PDE4B: variants seen among roughly 807,000 people sequenced by gnomAD.
The protein encoded by PDE4B is phosphodiesterase 4B.
PDE4B carries 20 observed loss-of-function variants against 82.2 expected under a neutral mutation model. The observed-to-expected ratio is 0.24, with a 90% CI of 0.17 to 0.35. PDE4B has a LOEUF of 0.35. Among genes scored for constraint, PDE4B ranks in the 10% least tolerant of loss-of-function variants. The pLI, the probability that PDE4B is intolerant of heterozygous loss-of-function variation, is 1.00. For synonymous variants in PDE4B, 320 were observed against 318.9 expected (o/e 1.00, Z -0.04); for missense variants, 655 against 907.2 (o/e 0.72, Z 3.57).
In PDE4B at chr1:65,968,488, T is replaced by A. The variant is rs1488105805; in HGVS notation, c.281+49653T>A. On this transcript the variant is annotated intron_variant, in intron 3 of 16. Coordinates refer to ENST00000341517, the MANE Select transcript of PDE4B (RefSeq NM_002600.4). ...AAAGTTGTGTTCCCTCCTACTGGGT[T>A]GACTATAATTTTTTTTTTAATTCAC... 5.2e-5 allele frequency among the ~76,000 whole-genome samples: 3 copies of A among 58,184 alleles called. No homozygotes were observed. The East Asian group carries it at 1.9e-3, about 37-fold the overall frequency. The allele number at this position is 58,184 out of a possible 152,430, so 38.2% of individuals were successfully genotyped here. A position where few individuals can be genotyped will look rare whatever the true frequency, so the allele number is the denominator to read the frequency against.
intron 3 of PDE4B, among the ~76,000 whole-genome samples, chr1:66,036,912 A>T (rs1654096530): frequency 6.6e-6 from 1 of 152,120 alleles, no homozygotes. Context: ...ACACAGGCAG[A>T]TCATGAAGTC....
chr1:66,057,633 G>A (rs1557530334), intron 3 of PDE4B, among the ~76,000 whole-genome samples: 1 of 152,180 alleles, frequency 6.6e-6, no homozygotes, highest in East Asian at 1.9e-4. Flanking sequence ...AGCAAGTCAC[G>A]TCTTACATGG....
chr1:66,140,406 G>T (rs1311872714), intron 3 of PDE4B, among the ~76,000 whole-genome samples: 1 of 152,122 alleles, frequency 6.6e-6, no homozygotes, highest in Non-Finnish European at 1.5e-5. Flanking sequence ...TGCAAAAAAT[G>T]ACACATCATT....
rs549810742 is a variant in PDE4B, at chr1:65,883,859, A to G, written c.-70-29386A>G. Among the ~76,000 whole-genome samples the G allele has an allele frequency of 1.9e-3, 294 of 152,282 alleles. 2 individuals carry two copies. Among genetic ancestry groups the G allele is most frequent in the African/African-American group, 6.1e-3 (254 of 41,556 alleles). On this transcript the variant is annotated intron_variant, in intron 1 of 16. Coordinates refer to ENST00000341517, the MANE Select transcript of PDE4B (RefSeq NM_002600.4). ...AATACCTAATTTATTGAGAGTTTTC[A>G]GCATGAATGGCCGTTGAATTTTGTC...
intron 3 of PDE4B, among the ~76,000 whole-genome samples, chr1:65,994,994 A>C (rs1407729752): frequency 6.6e-6 from 1 of 152,172 alleles, no homozygotes; most frequent in Non-Finnish European, 1.5e-5. Context: ...CAAAAGGAAC[A>C]ATTAAATGGT....
At chr1:65,975,131 A>T (rs1650340899) in intron 3 of PDE4B, among the ~76,000 whole-genome samples, 1 of 152,206 alleles carries the variant, frequency 6.6e-6, no homozygotes, top group Non-Finnish European at 1.5e-5. Flanking sequence ...TGATATGGAC[A>T]ATGAAGTCTA....
At chr1:66,268,100 A>G (rs1655185804) in intron 7 of PDE4B, among the ~76,000 whole-genome samples, 1 of 152,234 alleles carries the variant, frequency 6.6e-6, no homozygotes, top group African/African-American at 2.4e-5. Flanking sequence ...GGTACAAGAA[A>G]TCTACATCAA....
chr1:65,819,395 TTAGTC>T (rs1293420560), intron 1 of PDE4B, among the ~76,000 whole-genome samples: 1 of 152,210 alleles, frequency 6.6e-6, no homozygotes, highest in East Asian at 1.9e-4. Context: ...TGTTATTTGA[TTAGTC>T]TAACTCCAGA....
At chr1:65,838,539 G>GTGTATATATGTATATATATGTATA (rs1557772366) in intron 1 of PDE4B, among the ~76,000 whole-genome samples, 20 of 139,150 alleles carry the variant, frequency 1.4e-4, no homozygotes, top group African/African-American at 4.3e-4. Flanking sequence ...ATATATGTAT[G>GTGTATATATGTATATATATGTATA]TGTATATATG....
At chr1:66,348,952 C>T (rs1661616000) in intron 8 of PDE4B, among the ~76,000 whole-genome samples, 1 of 152,004 alleles carries the variant, frequency 6.6e-6, no homozygotes, top group Non-Finnish European at 1.5e-5. Context: ...ATGGGAATCA[C>T]TTTGGGTCTA....
chr1:65,878,006 C>G (rs531789309), intron 1 of PDE4B, among the ~76,000 whole-genome samples: 40 of 151,456 alleles, frequency 2.6e-4, no homozygotes, highest in African/African-American at 9.4e-4. Context: ...GTCCAATATC[C>G]AGAATCTACA....
intron 3 of PDE4B, among the ~76,000 whole-genome samples, chr1:65,930,879 A>G (rs903348105): frequency 2.6e-5 from 4 of 152,188 alleles, no homozygotes; most frequent in Non-Finnish European, 5.9e-5. Context: ...TGTATTTTGC[A>G]GTGTGAGAAG....
At chr1:66,274,357 GAGA>G (rs757510730) in intron 7 of PDE4B, among the ~76,000 whole-genome samples, 4 of 151,078 alleles carry the variant, frequency 2.6e-5, no homozygotes, top group Admixed American at 1.3e-4. Context: ...ATTTTTAGTA[GAGA>G]AGGAGTTTCA....
At chr1:66,033,911 T>C (rs2100807002) in intron 3 of PDE4B, among the ~76,000 whole-genome samples, 1 of 152,308 alleles carries the variant, frequency 6.6e-6, no homozygotes. Context: ...ATGATGATTC[T>C]GAGTCACCTA....
chr1:65,814,310 A>T (rs76510729), intron 1 of PDE4B, among the ~76,000 whole-genome samples: 1,681 of 152,302 alleles, frequency 0.011, 33 homozygotes, highest in African/African-American at 0.039. Flanking sequence ...ATATGTACAT[A>T]TGTTTAGATG....
chr1:66,077,175 G>T (rs1263061224), intron 3 of PDE4B, among the ~76,000 whole-genome samples: 3 of 151,958 alleles, frequency 2.0e-5, no homozygotes, highest in Non-Finnish European at 4.4e-5. Context: ...AATCCATCTT[G>T]AGTTAATATT....
chr1:66,207,007 C>G (rs867830021), intron 3 of PDE4B, among the ~76,000 whole-genome samples: 2 of 152,176 alleles, frequency 1.3e-5, no homozygotes, highest in African/African-American at 4.8e-5. Flanking sequence ...GCTGAGTCCA[C>G]TTGGTGAAAG....
intron 3 of PDE4B, among the ~76,000 whole-genome samples, chr1:66,110,400 A>C (rs1645458935): frequency 6.6e-6 from 1 of 151,970 alleles, no homozygotes; most frequent in Non-Finnish European, 1.5e-5. Flanking sequence ...TCCATCCTTG[A>C]AGAAAGTGAA....
chr1:65,893,925 A>G (rs749613885), intron 1 of PDE4B, among the ~76,000 whole-genome samples: 1 of 152,110 alleles, frequency 6.6e-6, no homozygotes, highest in Non-Finnish European at 1.5e-5. Context: ...GTTCTCACTT[A>G]TAAGTGGGAG....
Sources: gnomAD v4.1 joint callset for allele counts (sites outside exome capture counted in the v4.1 genomes callset) on GRCh38, gnomAD v4.1.1 for gene constraint, MANE v1.5 for transcripts, NCBI Gene and HGNC (gene_info 2026-07-23, HGNC 2026-07-21) for gene names.